PHIP: variants seen among roughly 807,000 people sequenced by gnomAD.
PHIP encodes PH-interacting protein.
A neutral mutation model predicts 236.8 loss-of-function variants in PHIP; 54 were observed. The ratio of observed to expected loss-of-function variants is 0.23; its 90% confidence interval spans 0.18 to 0.29. PHIP has a LOEUF of 0.29. Among genes scored for constraint, PHIP ranks in the 10% least tolerant of loss-of-function variants. PHIP has a pLI of 1.00. For missense variants in PHIP, 1,370 were observed against 2,190.8 expected, an observed-to-expected ratio of 0.63 and a Z score of 7.48; for synonymous variants, 756 against 718.9, an observed-to-expected ratio of 1.05 and a Z score of -0.83.
chr6:79,074,270 AAG>A (rs1468539668), intron 4 of PHIP, among the ~76,000 whole-genome samples: 12 of 152,248 alleles, frequency 7.9e-5, no homozygotes, highest in Non-Finnish European at 1.3e-4. Flanking sequence ...GGGGGGAAAA[AAG>A]AGAAGTCTTA....
chr6:78,945,626 A>T (rs1773770934), intron 38 of PHIP, 129 bp from the exon 39 acceptor site: 2 of 665,754 alleles, frequency 3.0e-6, no homozygotes, highest in South Asian at 3.9e-5. Flanking sequence ...TTTCTTAGGA[A>T]AGCTACTTTC....
chr6:78,959,784 T>C (rs1766656125), intron 31 of PHIP, among the ~76,000 whole-genome samples: 1 of 152,164 alleles, frequency 6.6e-6, no homozygotes, highest in Admixed American at 6.6e-5. Flanking sequence ...ATATAATGTA[T>C]CTTGAAATAC....
rs544591736 is a variant in PHIP, at chr6:78,984,615, T to C, written c.2537+737A>G. On this transcript the variant is annotated intron_variant, in intron 22 of 39. Transcript: ENST00000275034. ...CAAAAGAAATTCAATTTTTCCTTCA[T>C]TGACCTGTTTTGAATACAGAAAACT... Among the ~76,000 whole-genome samples, 648 of 152,286 alleles carry C rather than the reference T, an allele frequency of 4.3e-3. 13 individuals are homozygous for C. The South Asian group carries it at 0.071, about 17-fold the overall frequency.
intron 15 of PHIP, among the ~76,000 whole-genome samples, chr6:79,005,325 C>T (rs1770229330): frequency 6.6e-6 from 1 of 151,818 alleles, no homozygotes; most frequent in South Asian, 2.1e-4. Context: ...AACTATTTCT[C>T]CAGATTACCA....
intron 22 of PHIP, among the ~76,000 whole-genome samples, 176 bp from the exon 23 acceptor site, chr6:78,983,293 TTTAC>T (rs758540462): frequency 2.2e-4 from 33 of 152,252 alleles, no homozygotes; most frequent in Non-Finnish European, 3.5e-4. Flanking sequence ...TTCTATAGGC[TTTAC>T]TTAAATATCG....
intron 4 of PHIP, among the ~76,000 whole-genome samples, chr6:79,075,845 C>T (rs1774130218): frequency 6.6e-6 from 1 of 152,022 alleles, no homozygotes; most frequent in Admixed American, 6.5e-5. Context: ...GTAAAACCTG[C>T]CCCATCTTAA....
At position 79,025,518 on chromosome 6, in the gene PHIP, CTTTAT is replaced by C. The variant is rs771126523; in HGVS notation, c.919_923del (p.Ile307ProfsTer22). Reference sequence around the variant, plus strand: ...ATCTATGAAATAAAATAGAAACTGACTTTATTTTAAGGGTTCCAGCATCCCAGAGC... The same window carrying C: ...ATCTATGAAATAAAATAGAAACTGACTTTAAGGGTTCCAGCATCCCAGAGC... On this transcript the variant is annotated frameshift_variant and splice_region_variant, in exon 9 of 40. Transcript: ENST00000275034. LOFTEE classifies it high-confidence loss of function. 2 of 1,558,088 alleles carry C rather than the reference CTTTAT, an allele frequency of 1.3e-6. No individual in the cohort carries two copies.
chr6:78,967,992 G>A (rs1370920244), intron 27 of PHIP, among the ~76,000 whole-genome samples: 3 of 151,960 alleles, frequency 2.0e-5, no homozygotes, highest in African/African-American at 7.3e-5. Flanking sequence ...AAAAAAATTA[G>A]CCAGGCGTGG....
intron 39 of PHIP, among the ~76,000 whole-genome samples, chr6:78,944,545 G>C (rs947998036): frequency 6.6e-6 from 1 of 152,094 alleles, no homozygotes; most frequent in African/African-American, 2.4e-5. Context: ...TATGGAGGGA[G>C]AAACAACAAA....
At chr6:79,054,060 A>G (rs1304726453) in intron 6 of PHIP, among the ~76,000 whole-genome samples, 1 of 151,912 alleles carries the variant, frequency 6.6e-6, no homozygotes, top group African/African-American at 2.4e-5. Context: ...GAAAAAATAA[A>G]TAAATATATA....
chr6:78,952,438 A>G (rs1448328571), intron 35 of PHIP, among the ~76,000 whole-genome samples: 1 of 151,058 alleles, frequency 6.6e-6, no homozygotes, highest in Non-Finnish European at 1.5e-5. Flanking sequence ...GAAAAAAAAA[A>G]AAGAAAAAAA....
chr6:78,994,473 A>G (rs1425081319), intron 19 of PHIP, among the ~76,000 whole-genome samples: 2 of 152,212 alleles, frequency 1.3e-5, no homozygotes, highest in Non-Finnish European at 2.9e-5. Flanking sequence ...GCTACTGGGA[A>G]GGCTGAGGCA....
At position 79,077,995 on chromosome 6, in the gene PHIP, C is replaced by T. The variant is rs747025063; in HGVS notation, c.40+34G>A. 8.1e-6 allele frequency: 13 copies of T among 1,606,324 alleles called. No homozygotes were observed. The Admixed American group carries it at 1.0e-4, about 12-fold the overall frequency. ...GCGGGGGACCGCGGGCGGAATCGCCCGGTGCCAGCGGCCCCGGCAGCCCCC... is the reference window on the plus strand; with the variant it reads ...GCGGGGGACCGCGGGCGGAATCGCCTGGTGCCAGCGGCCCCGGCAGCCCCC... On this transcript the variant is annotated intron_variant, in intron 1 of 39. Coordinates refer to ENST00000275034, the MANE Select transcript of PHIP (RefSeq NM_017934.7).
In PHIP at chr6:79,074,014, TGA is replaced by T. The variant is rs539118220; in HGVS notation, c.189+3432_189+3433del. Among the ~76,000 whole-genome samples the T allele has an allele frequency of 3.9e-5, 6 of 152,290 alleles. No homozygotes were observed. The South Asian group carries it at 1.2e-3, about 32-fold the overall frequency. ...AATTTCAATCCACTTATTTTTCAAA[TGA>T]GATAACTGGGACAAAGAGAAATTCC... On this transcript the variant is annotated intron_variant, in intron 4 of 39. Coordinates refer to ENST00000275034, the MANE Select transcript of PHIP (RefSeq NM_017934.7).
chr6:79,078,079 C>T lies in PHIP; in HGVS notation c.-11G>A, dbSNP rs1444983960. 1 of 1,607,718 alleles carries T rather than the reference C, an allele frequency of 6.2e-7. No individual in the cohort carries two copies. Among genetic ancestry groups the T allele is most frequent in the Non-Finnish European group, 8.5e-7 (1 of 1,178,670 alleles). On this transcript the variant is annotated 5_prime_UTR_variant, in exon 1 of 40. Transcript: ENST00000275034. ...CCTCTCACAAGACATGTTTATGGGT[C>T]ACTTCAGGGCCGCCGACGGGACACC...
intron 39 of PHIP, among the ~76,000 whole-genome samples, chr6:78,942,058 T>C (rs1039050203): frequency 2.0e-5 from 3 of 152,246 alleles, no homozygotes; most frequent in African/African-American, 7.2e-5. Flanking sequence ...GACATGTTTT[T>C]ATTTGATATG....
At chr6:78,998,198 G>A (rs2127728810) in intron 18 of PHIP, 56 bp downstream of exon 18, 1 of 1,410,274 alleles carries the variant, frequency 7.1e-7, no homozygotes, top group Non-Finnish European at 1.0e-6. Context: ...CACTGTGGGA[G>A]ATTTAGGCTG....
intron 29 of PHIP, among the ~76,000 whole-genome samples, chr6:78,964,327 G>C (rs1001219536): frequency 2.0e-5 from 3 of 152,082 alleles, no homozygotes; most frequent in Non-Finnish European, 4.4e-5. Context: ...TGAGGTCTAC[G>C]AGACTGGGTT....
At chr6:78,944,030 A>G (rs1773664691) in intron 39 of PHIP, among the ~76,000 whole-genome samples, 2 of 147,862 alleles carry the variant, frequency 1.4e-5, no homozygotes, top group East Asian at 4.0e-4. Flanking sequence ...GCTTGATTCT[A>G]TCTAAAGAAG....
Sources: allele counts gnomAD v4.1 joint callset (sites outside exome capture counted in the v4.1 genomes callset), GRCh38; gene constraint gnomAD v4.1.1; transcripts MANE v1.5; gene names NCBI Gene and HGNC (gene_info 2026-07-23, HGNC 2026-07-21).